Variants in SHC4 observed in about 807,000 individuals in gnomAD.
The protein encoded by SHC4 is SHC adaptor protein 4.
A neutral mutation model predicts 69.4 loss-of-function variants in SHC4; 41 were observed. The observed-to-expected ratio is 0.59, with a 90% CI of 0.46 to 0.77. SHC4 has a LOEUF of 0.77. Among genes scored for constraint, SHC4 ranks in the 30% least tolerant of loss-of-function variants. The pLI, the probability that SHC4 is intolerant of heterozygous loss-of-function variation, is 0.00. For missense variants in SHC4, 777 were observed against 783.8 expected, an observed-to-expected ratio of 0.99 and a Z score of 0.10; for synonymous variants, 318 against 299.3, an observed-to-expected ratio of 1.06 and a Z score of -0.64.
chr15:48,884,183 C>G (rs1392422508), intron 4 of SHC4, 65 bp downstream of exon 4: 1 of 1,482,470 alleles, frequency 6.7e-7, no homozygotes, highest in Non-Finnish European at 8.9e-7. Context: ...TTATTCTTTT[C>G]ATTATCCCCA....
intron 3 of SHC4, among the ~76,000 whole-genome samples, chr15:48,887,376 A>T (rs958320212): frequency 1.8e-4 from 27 of 152,120 alleles, no homozygotes; most frequent in African/African-American, 6.3e-4. Context: ...AAGTTACTTA[A>T]CCTCTCAGGG....
intron 4 of SHC4, among the ~76,000 whole-genome samples, chr15:48,875,391 A>G (rs1899779190): frequency 6.6e-6 from 1 of 152,222 alleles, no homozygotes; most frequent in African/African-American, 2.4e-5. Context: ...CACATTGCTA[A>G]AGCTAAGAAG....
rs537205711 is a variant in SHC4 at position 48,913,412 on chromosome 15, T to A, written c.656+11467A>T. Among the ~76,000 whole-genome samples the A allele has an allele frequency of 5.9e-5, 9 of 152,216 alleles. No homozygotes were observed. In the South Asian group the frequency reaches 1.9e-3, roughly 32 times the overall value. Reference sequence around the variant, plus strand: ...AGTCACAGGCCTCATCCAGCTCCCATGCAAACCGAAGGTCCGGTTTAACTC... The same window carrying A: ...AGTCACAGGCCTCATCCAGCTCCCAAGCAAACCGAAGGTCCGGTTTAACTC... On this transcript the variant is annotated intron_variant, in intron 2 of 11. Coordinates refer to ENST00000332408, the MANE Select transcript of SHC4 (RefSeq NM_203349.4).
At chr15:48,891,916 G>T (rs889715315) in intron 2 of SHC4, among the ~76,000 whole-genome samples, 1 of 152,008 alleles carries the variant, frequency 6.6e-6, no homozygotes, top group Admixed American at 6.5e-5. Context: ...GTGCAGTGGC[G>T]CGATCTCAGC....
chr15:48,941,069 T>A (rs1261719535), intron 1 of SHC4, among the ~76,000 whole-genome samples: 2 of 152,158 alleles, frequency 1.3e-5, no homozygotes, highest in Non-Finnish European at 2.9e-5. Flanking sequence ...CCATTCCAAC[T>A]CCTCTACTTT....
intron 10 of SHC4, among the ~76,000 whole-genome samples, chr15:48,838,090 T>C (rs1158115422): frequency 6.6e-6 from 1 of 152,216 alleles, no homozygotes; most frequent in Non-Finnish European, 1.5e-5. Context: ...TAAATCATGA[T>C]GCACTCATAC....
intron 8 of SHC4, among the ~76,000 whole-genome samples, chr15:48,854,552 G>A (rs928277527): frequency 6.6e-6 from 1 of 152,148 alleles, no homozygotes; most frequent in African/African-American, 2.4e-5. Context: ...CAATAGCAAA[G>A]ACATGGAATC....
At chr15:48,941,758 T>G (rs1359192373) in intron 1 of SHC4, among the ~76,000 whole-genome samples, 1 of 152,114 alleles carries the variant, frequency 6.6e-6, no homozygotes, top group Non-Finnish European at 1.5e-5. Flanking sequence ...CTTCTTTTGG[T>G]GTTAATTTAA....
chr15:48,845,965 G>A (rs1237478751), intron 9 of SHC4, among the ~76,000 whole-genome samples: 1 of 151,114 alleles, frequency 6.6e-6, no homozygotes, highest in Non-Finnish European at 1.5e-5. Context: ...TACTGAAAGT[G>A]AAATATAATC....
At chr15:48,913,013 A>T (rs1900537981) in intron 2 of SHC4, among the ~76,000 whole-genome samples, 1 of 150,966 alleles carries the variant, frequency 6.6e-6, no homozygotes, top group Non-Finnish European at 1.5e-5. Flanking sequence ...GGGCGGGTGC[A>T]GTGGACTCCA....
intron 1 of SHC4, among the ~76,000 whole-genome samples, chr15:48,957,085 C>T (rs1469134850): frequency 6.7e-6 from 1 of 150,252 alleles, no homozygotes; most frequent in African/African-American, 2.4e-5. Context: ...TCAAGCAATC[C>T]TCCCACCTCA....
chr15:48,857,698 CAAG>C lies in SHC4; in HGVS notation c.1061_1063del (p.Ser354del). 1 of 1,595,872 alleles carries C rather than the reference CAAG, an allele frequency of 6.3e-7. No homozygotes were observed. The highest frequency in any genetic ancestry group is 8.5e-7 in the Non-Finnish European group (1 of 1,170,876). ...TATAAAACTCTTGGCTGACCTTTCACAAGAAGTATTCAAAGAAGGATTTTTCAA... is the reference window on the plus strand; with the variant it reads ...TATAAAACTCTTGGCTGACCTTTCACAAGTATTCAAAGAAGGATTTTTCAA... On this transcript the variant is annotated inframe_deletion, in exon 7 of 12. Transcript: ENST00000332408.
At chr15:48,908,633 A>T (rs7177713) in intron 2 of SHC4, among the ~76,000 whole-genome samples, 35,861 of 152,038 alleles carry the variant, frequency 0.24, 5,775 homozygotes, top group East Asian at 0.79. Flanking sequence ...CCTAAGCCAA[A>T]GTTTAGAAGA....
intron 1 of SHC4, among the ~76,000 whole-genome samples, chr15:48,937,583 C>CATAT (rs1555438112): frequency 6.8e-6 from 1 of 147,808 alleles, no homozygotes; most frequent in Non-Finnish European, 1.5e-5. Flanking sequence ...CACACAGACA[C>CATAT]ATAGATAGAT....
At chr15:48,843,700 A>G (rs1899035870) in intron 9 of SHC4, 112 bp from the exon 10 acceptor site, 1 of 936,090 alleles carries the variant, frequency 1.1e-6, no homozygotes, top group African/African-American at 1.7e-5. Context: ...CCCACCCTAT[A>G]CAATGATTGA....
intron 10 of SHC4, among the ~76,000 whole-genome samples, chr15:48,839,790 T>C (rs528059736): frequency 1.3e-5 from 2 of 152,372 alleles, no homozygotes; most frequent in African/African-American, 4.8e-5. Context: ...ATGTCTTCCT[T>C]GGGGAGAAGG....
intron 1 of SHC4, among the ~76,000 whole-genome samples, chr15:48,936,991 A>G (rs944623236): frequency 2.0e-5 from 3 of 152,164 alleles, no homozygotes; most frequent in Non-Finnish European, 4.4e-5. Context: ...GGCAAAAACT[A>G]TACTGATAGC....
rs188523909 is a variant in SHC4, at chr15:48,944,416, T to A, written c.585+18015A>T. 1.2e-4 allele frequency among the ~76,000 whole-genome samples: 18 copies of A among 152,306 alleles called. No homozygotes were observed. The East Asian group carries it at 3.3e-3, about 28-fold the overall frequency. On this transcript the variant is annotated intron_variant, in intron 1 of 11. Transcript: ENST00000332408. ...GAAAACTATTTAAAAGGGGGCTGAC[T>A]CAGCCAGGAGGTACACCATTTGTAT...
chr15:48,826,491 A>G (rs1351772666), intron 11 of SHC4, among the ~76,000 whole-genome samples: 1 of 151,960 alleles, frequency 6.6e-6, no homozygotes, highest in Non-Finnish European at 1.5e-5. Context: ...GCCAATGCCC[A>G]CCTTGGCTTC....
Sources: gnomAD v4.1 joint callset for allele counts (sites outside exome capture counted in the v4.1 genomes callset) on GRCh38, gnomAD v4.1.1 for gene constraint, MANE v1.5 for transcripts, NCBI Gene and HGNC (gene_info 2026-07-23, HGNC 2026-07-21) for gene names.